ARHGAP6: variants seen among roughly 807,000 people sequenced by gnomAD.
The protein encoded by ARHGAP6 is rho GTPase-activating protein 6.
Under a neutral mutation model 55.7 loss-of-function variants are expected in ARHGAP6, and 16 were observed. The observed-to-expected ratio is 0.29, with a 90% CI of 0.19 to 0.44. The LOEUF (loss-of-function observed/expected upper bound fraction) is 0.44. Ranked by LOEUF, ARHGAP6 falls within the 20% of genes least tolerant of loss-of-function variation. The probability of loss-of-function intolerance (pLI) is 1.00; values close to 1 mark genes in which losing one functional copy is unlikely to be tolerated. For missense variants in ARHGAP6, 698 were observed against 808.9 expected (o/e 0.86, Z 1.66); for synonymous variants, 382 against 360.9 (o/e 1.06, Z -0.66).
intron 1 of ARHGAP6, among the ~76,000 whole-genome samples, chrX:11,394,449 T>C (rs1194230476): frequency 8.9e-6 from 1 of 111,735 alleles, no homozygotes; most frequent in Non-Finnish European, 1.9e-5. Context: ...TCTAAACAGA[T>C]TGTGGGAATG....
chrX:11,508,060 G>T (rs1167363924), intron 1 of ARHGAP6, among the ~76,000 whole-genome samples: 1 of 112,338 alleles, frequency 8.9e-6, no homozygotes, highest in Non-Finnish European at 1.9e-5. Flanking sequence ...TACAAGGAAA[G>T]AAAAGTACAG....
chrX:11,308,928 G>T (rs750211958), intron 1 of ARHGAP6, among the ~76,000 whole-genome samples: 1 of 111,929 alleles, frequency 8.9e-6, no homozygotes, highest in Admixed American at 9.4e-5. Flanking sequence ...CTTGGCAATG[G>T]TATGTAATAT....
At chrX:11,254,067 T>C (rs915590288) in intron 2 of ARHGAP6, among the ~76,000 whole-genome samples, 2 of 111,607 alleles carry the variant, frequency 1.8e-5, no homozygotes, top group Non-Finnish European at 3.8e-5. Flanking sequence ...CAGTGCAACA[T>C]ACAACACACC....
At chrX:11,557,868 T>C (rs972885233) in intron 1 of ARHGAP6, among the ~76,000 whole-genome samples, 3 of 112,308 alleles carry the variant, frequency 2.7e-5, no homozygotes, top group Middle Eastern at 4.6e-3. Flanking sequence ...AATTCCAAAG[T>C]TATACTGCAG....
rs972887663 is a variant in ARHGAP6 at position 11,406,753 on chromosome X, A to T, written c.589-152046T>A. ...CCGTGTTCACGTAAACAGTCCTGAC[A>T]TATTCTGTTTCAGTTTCCCATGACA... On this transcript the variant is annotated intron_variant, in intron 1 of 12. Transcript: ENST00000337414. Among the ~76,000 whole-genome samples the T allele has an allele frequency of 2.7e-5, 3 of 111,957 alleles. No homozygotes were observed. The Admixed American group carries it at 2.8e-4, about 11-fold the overall frequency.
chrX:11,291,538 AT>A (rs1473316553), intron 1 of ARHGAP6, among the ~76,000 whole-genome samples: 14 of 111,499 alleles, frequency 1.3e-4, no homozygotes, highest in African/African-American at 4.6e-4. Flanking sequence ...GAAAAAAAAA[AT>A]ATCCTGAATC....
chrX:11,647,442 G>A (rs1321760786), intron 1 of ARHGAP6, among the ~76,000 whole-genome samples: 1 of 111,996 alleles, frequency 8.9e-6, no homozygotes, highest in South Asian at 3.7e-4. Flanking sequence ...TTGATGCCCC[G>A]AGGCGGCAAT....
chrX:11,268,953 T>C (rs1332280945), intron 1 of ARHGAP6, among the ~76,000 whole-genome samples: 2 of 111,321 alleles, frequency 1.8e-5, no homozygotes, highest in Non-Finnish European at 1.9e-5. Flanking sequence ...AGAGGCAATA[T>C]AGCCAGCGTG....
At position 11,491,860 on chromosome X, in the gene ARHGAP6, T is replaced by G. The variant is rs866091063; in HGVS notation, c.588+172381A>C. Among the ~76,000 whole-genome samples, 388 of 108,596 alleles carry G rather than the reference T, an allele frequency of 3.6e-3. 3 individuals carry two copies. Among genetic ancestry groups the G allele is most frequent in the Middle Eastern group, 0.028 (6 of 215 alleles). The allele number at this position is 108,596 out of a possible 115,157, so 94.3% of individuals were successfully genotyped here. A position where few individuals can be genotyped will look rare whatever the true frequency, so the allele number is the denominator to read the frequency against. On this transcript the variant is annotated intron_variant, in intron 1 of 12. Transcript: ENST00000337414. ...GTAAAAGTGTTCCTATTTCTCCACA[T>G]CCTCTCCAGCACCTGTTGTTTCCTG...
At chrX:11,366,170 C>T (rs373513232) in intron 1 of ARHGAP6, among the ~76,000 whole-genome samples, 9 of 112,049 alleles carry the variant, frequency 8.0e-5, no homozygotes, top group East Asian at 5.6e-4. Context: ...TTTGGTGGGA[C>T]GCAAACATTC....
At chrX:11,650,078 T>C (rs1393836418) in intron 1 of ARHGAP6, among the ~76,000 whole-genome samples, 4 of 106,093 alleles carry the variant, frequency 3.8e-5, no homozygotes, top group African/African-American at 1.4e-4. Flanking sequence ...CACTGCAACC[T>C]TGAACTCCTG....
At chrX:11,186,502 C>A in intron 4 of ARHGAP6, 71 bp from the exon 5 acceptor site, 3 of 787,562 alleles carry the variant, frequency 3.8e-6, no homozygotes, top group Non-Finnish European at 5.6e-6. Flanking sequence ...CAGATGCTAA[C>A]CAATACATAC....
At chrX:11,519,805 C>A (rs373238756) in intron 1 of ARHGAP6, among the ~76,000 whole-genome samples, 1 of 106,839 alleles carries the variant, frequency 9.4e-6, no homozygotes, top group African/African-American at 3.4e-5. Flanking sequence ...TGAAACTGGA[C>A]CCCTTCCTTA....
At chrX:11,380,002 A>T (rs1167269133) in intron 1 of ARHGAP6, among the ~76,000 whole-genome samples, 1 of 111,853 alleles carries the variant, frequency 8.9e-6, no homozygotes, top group East Asian at 2.8e-4. Flanking sequence ...ATACCAAGTG[A>T]TGAGCAATTA....
chrX:11,588,563 CA>C (rs1387793619), intron 1 of ARHGAP6, among the ~76,000 whole-genome samples: 1 of 112,178 alleles, frequency 8.9e-6, no homozygotes, highest in Non-Finnish European at 1.9e-5. Flanking sequence ...GTGATCTATC[CA>C]TACAATAAAT....
intron 2 of ARHGAP6, among the ~76,000 whole-genome samples, chrX:11,228,004 C>A (rs762731743): frequency 1.8e-5 from 2 of 110,660 alleles, no homozygotes; most frequent in Non-Finnish European, 3.8e-5. Flanking sequence ...TCAGTATTAA[C>A]ATACAACATT....
chrX:11,265,706 C>T lies in ARHGAP6; in HGVS notation c.589-10999G>A, dbSNP rs985766917. The T allele has an allele frequency of 1.6e-4, 139 of 876,222 alleles. 1 individual carries two copies. In the African/African-American group the frequency reaches 1.7e-3, roughly 11 times the overall value. 72.2% of individuals were successfully genotyped at this position (876,222 alleles called of 1,213,427 possible). On this transcript the variant is annotated intron_variant, in intron 1 of 12. Transcript: ENST00000337414. The stretch of plus-strand genomic sequence containing the variant: ...CTTACCCATAAATTATAATCAGCCG[C>T]GTCTTTGCTGTCCTCTCTAATCTAA...
chrX:11,222,439 T>C (rs1401859633), intron 2 of ARHGAP6, among the ~76,000 whole-genome samples: 3 of 111,893 alleles, frequency 2.7e-5, no homozygotes, highest in Non-Finnish European at 1.9e-5. Flanking sequence ...ATTTGTATTA[T>C]GGTGCAGATC....
At chrX:11,643,685 T>TA (rs1296642884) in intron 1 of ARHGAP6, among the ~76,000 whole-genome samples, 8 of 111,549 alleles carry the variant, frequency 7.2e-5, no homozygotes, top group African/African-American at 1.6e-4. Context: ...CATTAATAGA[T>TA]AGAGTCTATG....
Sources: gnomAD v4.1 joint callset for allele counts (sites outside exome capture counted in the v4.1 genomes callset) on GRCh38, gnomAD v4.1.1 for gene constraint, MANE v1.5 for transcripts, NCBI Gene and HGNC (gene_info 2026-07-23, HGNC 2026-07-21) for gene names.